Variants in MAML2 observed in about 807,000 individuals in gnomAD.
The protein encoded by MAML2 is mastermind-like protein 2.
Under a neutral mutation model 96.1 loss-of-function variants are expected in MAML2, and 22 were observed. That is an observed-to-expected ratio of 0.23 (90% CI 0.16 to 0.33). MAML2 has a LOEUF of 0.33. MAML2 is among the 10% of genes least tolerant of loss of function. The probability of loss-of-function intolerance (pLI) is 1.00; values close to 1 mark genes in which losing one functional copy is unlikely to be tolerated. For synonymous variants in MAML2, 561 were observed against 521.3 expected (o/e 1.08, Z -1.04); for missense variants, 1,367 against 1,392.4 (o/e 0.98, Z 0.29).
intron 1 of MAML2, among the ~76,000 whole-genome samples, chr11:96,255,928 C>G (rs1266477371): frequency 7.7e-6 from 1 of 129,058 alleles, no homozygotes; most frequent in Non-Finnish European, 1.5e-5. Flanking sequence ...GGCTGAAGTG[C>G]AATGGCGCGA....
At chr11:96,041,352 T>A (rs1858805940) in intron 2 of MAML2, among the ~76,000 whole-genome samples, 1 of 135,716 alleles carries the variant, frequency 7.4e-6, no homozygotes, top group Non-Finnish European at 1.6e-5. Flanking sequence ...AAAAAAAAAT[T>A]TAGCCGGGCA....
At chr11:96,029,655 ATCT>A (rs1858580406) in intron 2 of MAML2, among the ~76,000 whole-genome samples, 1 of 152,184 alleles carries the variant, frequency 6.6e-6, no homozygotes, top group Admixed American at 6.5e-5. Context: ...CTGTCCTCCC[ATCT>A]TCTTCTCTGC....
At chr11:96,059,076 T>C (rs1272903705) in intron 2 of MAML2, among the ~76,000 whole-genome samples, 1 of 152,132 alleles carries the variant, frequency 6.6e-6, no homozygotes, top group Non-Finnish European at 1.5e-5. Context: ...AGTGAGACTC[T>C]ATATCAAAAA....
chr11:96,219,840 G>T (rs1157285159), intron 1 of MAML2, among the ~76,000 whole-genome samples: 1 of 152,120 alleles, frequency 6.6e-6, no homozygotes, highest in Non-Finnish European at 1.5e-5. Context: ...TGGTCAGGCT[G>T]GTCTCGAACT....
At chr11:96,071,197 G>A (rs771202386) in intron 2 of MAML2, among the ~76,000 whole-genome samples, 14 of 152,224 alleles carry the variant, frequency 9.2e-5, no homozygotes, top group Non-Finnish European at 1.9e-4. Context: ...GGAGCTTCCC[G>A]AGGAAATAAA....
intron 2 of MAML2, among the ~76,000 whole-genome samples, chr11:96,052,326 C>G (rs1326493669): frequency 6.6e-6 from 1 of 152,154 alleles, no homozygotes; most frequent in African/African-American, 2.4e-5. Context: ...TACCATGAGG[C>G]ATCTACCACA....
At chr11:95,992,712 T>C (rs564508358) in intron 2 of MAML2, among the ~76,000 whole-genome samples, 1 of 152,352 alleles carries the variant, frequency 6.6e-6, no homozygotes, top group East Asian at 1.9e-4. Context: ...TTGTTATACT[T>C]TGATCAGAAT....
At chr11:96,065,308 T>C (rs974370984) in intron 2 of MAML2, among the ~76,000 whole-genome samples, 6 of 152,186 alleles carry the variant, frequency 3.9e-5, no homozygotes, top group Non-Finnish European at 8.8e-5. Flanking sequence ...TTAGTTTCCA[T>C]GGCATATCAG....
At chr11:96,303,043 G>A (rs1863411060) in intron 1 of MAML2, among the ~76,000 whole-genome samples, 1 of 152,202 alleles carries the variant, frequency 6.6e-6, no homozygotes, top group Non-Finnish European at 1.5e-5. Flanking sequence ...TATTAGTACA[G>A]CTCCTGAAAG....
intron 1 of MAML2, among the ~76,000 whole-genome samples, chr11:96,097,431 A>G (rs1859850434): frequency 6.6e-6 from 1 of 152,102 alleles, no homozygotes; most frequent in South Asian, 2.1e-4. Flanking sequence ...GAGAAGGGAG[A>G]AAGGAGAAGT....
chr11:95,998,595 G>A (rs1858034999), intron 2 of MAML2, among the ~76,000 whole-genome samples: 1 of 151,994 alleles, frequency 6.6e-6, no homozygotes, highest in South Asian at 2.1e-4. Flanking sequence ...TTATTAGGAG[G>A]GTAACAAAGT....
At chr11:96,056,930 C>T (rs1196968305) in intron 2 of MAML2, among the ~76,000 whole-genome samples, 1 of 152,168 alleles carries the variant, frequency 6.6e-6, no homozygotes. Context: ...TAATTGTATT[C>T]TAAGAATACC....
At chr11:96,217,994 A>G (rs1003958213) in intron 1 of MAML2, among the ~76,000 whole-genome samples, 22 of 152,200 alleles carry the variant, frequency 1.4e-4, no homozygotes, top group African/African-American at 5.1e-4. Flanking sequence ...CAAGACTCCA[A>G]TTTACCTTTC....
chr11:96,283,925 A>G (rs536816), intron 1 of MAML2, among the ~76,000 whole-genome samples: 1 of 151,798 alleles, frequency 6.6e-6, no homozygotes, highest in Admixed American at 6.6e-5. Context: ...CCACTTCCTC[A>G]TCTCCTACTT....
intron 1 of MAML2, among the ~76,000 whole-genome samples, chr11:96,295,291 A>T (rs1269229842): frequency 6.6e-6 from 1 of 152,224 alleles, no homozygotes; most frequent in Non-Finnish European, 1.5e-5. Flanking sequence ...AACTTTCAAT[A>T]AAAACAGACA....
At chr11:96,047,541 G>T (rs960467066) in intron 2 of MAML2, among the ~76,000 whole-genome samples, 2 of 152,102 alleles carry the variant, frequency 1.3e-5, no homozygotes, top group South Asian at 2.1e-4. Flanking sequence ...GCATCCAAAA[G>T]AGACTGATTA....
At chr11:96,250,322 G>A (rs1862566095) in intron 1 of MAML2, among the ~76,000 whole-genome samples, 1 of 151,988 alleles carries the variant, frequency 6.6e-6, no homozygotes, top group African/African-American at 2.4e-5. Context: ...ACATAGTGAT[G>A]TTTCAATACA....
intron 1 of MAML2, among the ~76,000 whole-genome samples, chr11:96,123,973 A>T (rs576372361): frequency 1.3e-5 from 2 of 151,634 alleles, no homozygotes; most frequent in Non-Finnish European, 2.9e-5. Context: ...GGGAGGCTGT[A>T]GTAGGAGAGT....
chr11:96,081,195 AC>A, intron 2 of MAML2, among the ~76,000 whole-genome samples: 1 of 152,094 alleles, frequency 6.6e-6, no homozygotes, highest in South Asian at 2.1e-4. Flanking sequence ...CTATTGAAAT[AC>A]ATCTTCCGAA....
Sources: gnomAD v4.1 joint callset for allele counts (sites outside exome capture counted in the v4.1 genomes callset) on GRCh38, gnomAD v4.1.1 for gene constraint, MANE v1.5 for transcripts, NCBI Gene and HGNC (gene_info 2026-07-23, HGNC 2026-07-21) for gene names.